TRHDE: variants seen among roughly 807,000 people sequenced by gnomAD.
TRHDE encodes thyrotropin releasing hormone degrading enzyme, also known as thyrotropin-releasing hormone-degrading ectoenzyme.
Under a neutral mutation model 125.7 loss-of-function variants are expected in TRHDE, and 72 were observed. The observed-to-expected ratio is 0.57, with a 90% CI of 0.47 to 0.70. TRHDE has a LOEUF of 0.70. Ranked by LOEUF, TRHDE falls within the 30% of genes least tolerant of loss-of-function variation. The pLI, the probability that TRHDE is intolerant of heterozygous loss-of-function variation, is 0.00. For synonymous variants in TRHDE, 509 were observed against 509.1 expected, an observed-to-expected ratio of 1.00 and a Z score of 0.00; for missense variants, 1,110 against 1,327.1, an observed-to-expected ratio of 0.84 and a Z score of 2.54.
chr12:72,637,852 C>T (rs1343453014), intron 15 of TRHDE, among the ~76,000 whole-genome samples: 1 of 151,408 alleles, frequency 6.6e-6, no homozygotes. Flanking sequence ...AGTTTGATTG[C>T]ACTGTGGTCT....
At chr12:72,630,640 G>T (rs1053039363) in intron 15 of TRHDE, among the ~76,000 whole-genome samples, 9 of 151,598 alleles carry the variant, frequency 5.9e-5, no homozygotes, top group Non-Finnish European at 7.4e-5. Flanking sequence ...GAATATCAGG[G>T]AGGTATTGCA....
intron 6 of TRHDE, among the ~76,000 whole-genome samples, chr12:72,536,890 G>C (rs184852248): frequency 5.9e-5 from 9 of 152,102 alleles, no homozygotes; most frequent in African/African-American, 1.9e-4. Context: ...CCTCTTCTGT[G>C]AGCATCTCAC....
intron 1 of TRHDE, among the ~76,000 whole-genome samples, chr12:72,281,635 G>A (rs1034431960): frequency 5.3e-5 from 8 of 152,082 alleles, no homozygotes; most frequent in Admixed American, 3.3e-4. Flanking sequence ...TGGTTTTGGC[G>A]GATTCCACAG....
intron 2 of TRHDE, among the ~76,000 whole-genome samples, chr12:72,337,929 G>A (rs143363126): frequency 8.8e-4 from 134 of 152,082 alleles, no homozygotes; most frequent in East Asian, 8.7e-3. Flanking sequence ...ACACTTTTAG[G>A]TAAGAAGTTC....
intron 2 of TRHDE, among the ~76,000 whole-genome samples, chr12:72,250,404 G>A (rs1878655677): frequency 6.6e-6 from 1 of 152,156 alleles, no homozygotes; most frequent in Admixed American, 6.5e-5. Flanking sequence ...GAAGGCAGTA[G>A]GAGGATCACG....
chr12:72,430,451 A>T (rs1005098607), intron 3 of TRHDE, among the ~76,000 whole-genome samples: 5 of 148,910 alleles, frequency 3.4e-5, no homozygotes, highest in African/African-American at 1.2e-4. Context: ...ACACGTATAT[A>T]TATGTGTATA....
intron 12 of TRHDE, among the ~76,000 whole-genome samples, chr12:72,599,798 T>C (rs1260045485): frequency 6.6e-6 from 1 of 152,102 alleles, no homozygotes; most frequent in African/African-American, 2.4e-5. Context: ...CCAAGGCTGA[T>C]GTCCACAATG....
intron 9 of TRHDE, 29 bp from the exon 10 acceptor site, chr12:72,568,539 A>T: frequency 6.5e-7 from 1 of 1,532,096 alleles, no homozygotes; most frequent in Middle Eastern, 1.9e-4. Flanking sequence ...AGTTATTTTT[A>T]TTCTTAAAGC....
intron 15 of TRHDE, among the ~76,000 whole-genome samples, chr12:72,626,545 G>A (rs528186164): frequency 1.6e-4 from 25 of 151,996 alleles, no homozygotes; most frequent in African/African-American, 5.5e-4. Context: ...CTACCTTAGA[G>A]ATTCTCAATT....
chr12:72,499,225 T>C (rs2135935325), intron 5 of TRHDE, among the ~76,000 whole-genome samples: 1 of 152,314 alleles, frequency 6.6e-6, no homozygotes, highest in Middle Eastern at 3.4e-3. Context: ...CACATTTGCT[T>C]TAGCCACTGT....
intron 2 of TRHDE, among the ~76,000 whole-genome samples, chr12:72,154,430 C>T (rs553854982): frequency 5.7e-4 from 86 of 152,108 alleles, no homozygotes; most frequent in African/African-American, 2.0e-3. Context: ...AATTTGATCC[C>T]GTCATTATGA....
chr12:72,476,231 T>C (rs1876886150), intron 5 of TRHDE, among the ~76,000 whole-genome samples: 1 of 152,194 alleles, frequency 6.6e-6, no homozygotes, highest in Non-Finnish European at 1.5e-5. Context: ...TATATAGATT[T>C]AAAAAGCTTT....
chr12:72,592,205 C>A (rs979983539), intron 12 of TRHDE, among the ~76,000 whole-genome samples: 10 of 151,950 alleles, frequency 6.6e-5, no homozygotes, highest in Non-Finnish European at 1.5e-4. Context: ...CCAAATTTAC[C>A]TTTTCTTCTC....
chr12:72,621,352 G>A, intron 14 of TRHDE, 147 bp downstream of exon 14: 1 of 624,304 alleles, frequency 1.6e-6, no homozygotes, highest in Non-Finnish European at 2.8e-6. Flanking sequence ...CTGCTGCTGG[G>A]TAGCACAGTT....
At chr12:72,647,565 CAAAT>C (rs142265085) in intron 15 of TRHDE, among the ~76,000 whole-genome samples, 216 of 151,786 alleles carry the variant, frequency 1.4e-3, no homozygotes, top group African/African-American at 5.0e-3. Context: ...AGAGAAGACT[CAAAT>C]AAAAACAGAA....
At chr12:72,594,350 A>G (rs1162459607) in intron 12 of TRHDE, among the ~76,000 whole-genome samples, 7 of 151,682 alleles carry the variant, frequency 4.6e-5, no homozygotes, top group Non-Finnish European at 1.0e-4. Flanking sequence ...CAGCCTGACC[A>G]CTTCGAGAAA....
chr12:72,589,029 G>C (rs553127995), intron 12 of TRHDE, among the ~76,000 whole-genome samples: 2 of 152,064 alleles, frequency 1.3e-5, no homozygotes, highest in Non-Finnish European at 2.9e-5. Context: ...CAATTACCTC[G>C]CACTAGGTTT....
chr12:72,469,859 A>G lies in TRHDE; in HGVS notation c.1417A>G (p.Ile473Val). 1 of 1,614,072 alleles carries G rather than the reference A, an allele frequency of 6.2e-7. No individual in the cohort carries two copies. Among genetic ancestry groups the G allele is most frequent in the Non-Finnish European group, 8.5e-7 (1 of 1,179,978 alleles). The change falls in exon 4 of 19, where the codon ATT (isoleucine) becomes GTT (valine). Residue 473 changes from isoleucine (I) to valine (V), a missense_variant. Around this residue, in one of 5 missense-constraint regions of TRHDE, gnomAD observed 252 missense variants for 274.8 expected, o/e 0.92. Coordinates refer to ENST00000261180, the MANE Select transcript of TRHDE (RefSeq NM_013381.3). Reference protein sequence around the residue: ...RILLDPSVSSISYLLDVTMVI... With the variant: ...RILLDPSVSSVSYLLDVTMVI... ...ACTGCTGGATCCCAGTGTTTCATCT[A>G]TTTCTTATTTGCTGGATGTCACCAT...
At chr12:72,204,437 T>C (rs2139357080) in intron 2 of TRHDE, among the ~76,000 whole-genome samples, 1 of 152,320 alleles carries the variant, frequency 6.6e-6, no homozygotes, top group Non-Finnish European at 1.5e-5. Flanking sequence ...TCTTTTCTCT[T>C]ACACATTCTC....
Sources: gnomAD v4.1 joint callset for allele counts (sites outside exome capture counted in the v4.1 genomes callset) on GRCh38, gnomAD v4.1.1 for gene constraint, gnomAD v4.1.1 regional missense constraint, MANE v1.5 for transcripts, NCBI Gene and HGNC (gene_info 2026-07-23, HGNC 2026-07-21) for gene names.